DMD: variants seen among roughly 807,000 people sequenced by gnomAD.
DMD encodes dystrophin.
DMD carries 63 observed loss-of-function variants against 330.1 expected under a neutral mutation model. That is an observed-to-expected ratio of 0.19 (90% confidence interval 0.16 to 0.24). The LOEUF (loss-of-function observed/expected upper bound fraction) is 0.24, where lower values mean the gene tolerates loss of function less well. Ranked by LOEUF, DMD falls within the 10% of genes least tolerant of loss-of-function variation. DMD has a pLI of 1.00. For synonymous variants in DMD, 1,223 were observed against 959.8 expected (o/e 1.27, Z -5.07); for missense variants, 3,344 against 2,684.1 (o/e 1.25, Z -5.43).
chrX:32,793,959 C>A (rs1208243018), intron 7 of DMD, among the ~76,000 whole-genome samples: 2 of 111,286 alleles, frequency 1.8e-5, no homozygotes, highest in Non-Finnish European at 3.8e-5. Flanking sequence ...GGACAACATC[C>A]CTGATGAACA....
chrX:31,997,262 G>A (rs773298021), intron 44 of DMD, among the ~76,000 whole-genome samples: 11 of 111,063 alleles, frequency 9.9e-5, no homozygotes, highest in Non-Finnish European at 1.3e-4. Context: ...AATCAGGATA[G>A]GTGATTGCTA....
chrX:32,606,568 A>G (rs2056721467), intron 12 of DMD, among the ~76,000 whole-genome samples: 2 of 109,773 alleles, frequency 1.8e-5, no homozygotes, highest in South Asian at 7.7e-4. Flanking sequence ...ATACTCAACA[A>G]AAACAACAAA....
chrX:33,337,189 G>C, intron 1 of DMD, among the ~76,000 whole-genome samples: 1 of 111,782 alleles, frequency 8.9e-6, no homozygotes, highest in Non-Finnish European at 1.9e-5. Context: ...AGTGAGGCTA[G>C]AAGGAAGCTC....
intron 7 of DMD, among the ~76,000 whole-genome samples, chrX:32,758,819 G>T (rs113359220): frequency 1.7e-3 from 188 of 111,562 alleles, no homozygotes; most frequent in African/African-American, 5.7e-3. Context: ...GGGGCCATGT[G>T]CTCCGCAGCA....
intron 60 of DMD, among the ~76,000 whole-genome samples, chrX:31,373,400 C>T (rs1460571578): frequency 1.3e-4 from 12 of 95,466 alleles, no homozygotes; most frequent in Middle Eastern, 5.0e-3. Context: ...GGAGGCATCA[C>T]GCTACCTGAC....
intron 23 of DMD, among the ~76,000 whole-genome samples, chrX:32,465,686 C>T (rs1179371038): frequency 2.9e-5 from 3 of 105,146 alleles, no homozygotes; most frequent in Non-Finnish European, 5.8e-5. Flanking sequence ...CCCAGGTTCA[C>T]GCCATTCTCC....
intron 7 of DMD, among the ~76,000 whole-genome samples, chrX:32,717,127 C>G (rs73458814): frequency 0.019 from 2,078 of 110,551 alleles, 60 homozygotes; most frequent in African/African-American, 0.064. Context: ...AAGCTGTCTG[C>G]GGAAATTTGC....
At chrX:32,338,082 G>A (rs1241387757) in intron 41 of DMD, among the ~76,000 whole-genome samples, 1 of 111,197 alleles carries the variant, frequency 9.0e-6, no homozygotes, top group Non-Finnish European at 1.9e-5. Context: ...GTTTTACCTG[G>A]TATTTGAAAA....
At chrX:32,706,987 G>C (rs1211142277) in intron 7 of DMD, among the ~76,000 whole-genome samples, 1 of 110,594 alleles carries the variant, frequency 9.0e-6, no homozygotes, top group African/African-American at 3.3e-5. Context: ...ACCTACTCGG[G>C]AGGCTGAGGC....
intron 45 of DMD, among the ~76,000 whole-genome samples, chrX:31,964,578 T>C (rs1367696551): frequency 4.7e-5 from 5 of 105,831 alleles, no homozygotes; most frequent in Non-Finnish European, 7.7e-5. Context: ...TTATAACTTA[T>C]TTGCAAAAAT....
chrX:32,040,759 G>A (rs2095994598), intron 44 of DMD, among the ~76,000 whole-genome samples: 1 of 111,251 alleles, frequency 9.0e-6, no homozygotes, highest in African/African-American at 3.3e-5. Flanking sequence ...AAGAGTGTGG[G>A]AGTTGACTGA....
chrX:31,186,246 A>G (rs1414188730), intron 67 of DMD, among the ~76,000 whole-genome samples: 1 of 112,227 alleles, frequency 8.9e-6, no homozygotes, highest in African/African-American at 3.2e-5. Context: ...ACCTAGAATC[A>G]ATCTAAATGC....
chrX:31,622,876 A>G lies in DMD; in HGVS notation c.8217+4797T>C, dbSNP rs1374525821. Among the ~76,000 whole-genome samples, 3 of 85,858 alleles carry G rather than the reference A, an allele frequency of 3.5e-5. No homozygotes were observed. In the Admixed American group the frequency reaches 3.9e-4, roughly 11 times the overall value. The allele number at this position is 85,858 out of a possible 115,157, so 74.6% of individuals were successfully genotyped here. ...TATATATATATATATATATATATAT[A>G]TACACACACACACACACACACACAC... On this transcript the variant is annotated intron_variant, in intron 55 of 78. Coordinates refer to ENST00000357033, the MANE Select transcript of DMD (RefSeq NM_004006.3).
At chrX:32,859,911 G>A (rs1020001352) in intron 2 of DMD, among the ~76,000 whole-genome samples, 5 of 111,273 alleles carry the variant, frequency 4.5e-5, no homozygotes, top group African/African-American at 1.6e-4. Context: ...CCTTGGGCCA[G>A]GCGACCCTGT....
intron 62 of DMD, among the ~76,000 whole-genome samples, chrX:31,290,470 T>C (rs1255476856): frequency 2.7e-5 from 3 of 111,600 alleles, no homozygotes; most frequent in African/African-American, 6.5e-5. Context: ...AATATTTTGA[T>C]TGTTTAAGGT....
chrX:33,180,945 T>C (rs2148740831), intron 1 of DMD, among the ~76,000 whole-genome samples: 1 of 109,012 alleles, frequency 9.2e-6, no homozygotes, highest in South Asian at 4.1e-4. Flanking sequence ...AAACTAACTG[T>C]ATCTGAAGTA....
At position 31,176,913 on chromosome X, in the gene DMD, C is replaced by T. The variant is rs189833930; in HGVS notation, c.10262+1019G>A. ...CTCAATTAATAATATGCATTTATCA[C>T]GACAGGGTTTTTAAAAAAGGATCTA... On this transcript the variant is annotated intron_variant, in intron 71 of 78. Coordinates refer to ENST00000357033, the MANE Select transcript of DMD (RefSeq NM_004006.3). 3.1e-3 allele frequency among the ~76,000 whole-genome samples: 347 copies of T among 110,864 alleles called. 1 individual carries two copies. The highest frequency in any genetic ancestry group is 1.0e-2 in the African/African-American group (306 of 30,663).
chrX:31,520,515 G>A (rs1434813625), intron 55 of DMD, among the ~76,000 whole-genome samples: 3 of 111,110 alleles, frequency 2.7e-5, no homozygotes, highest in Non-Finnish European at 3.8e-5. Context: ...CAGTCTCAGG[G>A]AAGTTCTTTA....
rs1311443311 is a variant in DMD at position 31,314,087 on chromosome X, G to C, written c.9224+9511C>G. ...TGAGCTCAAGTGATCCACCCACCTT[G>C]GCCTGCCAAAGTGCTGGGATTACAG... On this transcript the variant is annotated intron_variant, in intron 62 of 78. Transcript: ENST00000357033. Among the ~76,000 whole-genome samples the C allele has an allele frequency of 4.5e-5, 5 of 111,759 alleles. No individual in the cohort carries two copies. In the Admixed American group the frequency reaches 4.7e-4, roughly 11 times the overall value.
Sources: allele counts gnomAD v4.1 joint callset (sites outside exome capture counted in the v4.1 genomes callset), GRCh38; gene constraint gnomAD v4.1.1; transcripts MANE v1.5; gene names NCBI Gene and HGNC (gene_info 2026-07-23, HGNC 2026-07-21).